Variants in DLGAP1 observed in about 807,000 individuals in gnomAD.
DLGAP1 encodes the protein disks large-associated protein 1.
DLGAP1 carries 11 observed loss-of-function variants against 90.8 expected under a neutral mutation model. That is an observed-to-expected ratio of 0.12 (90% CI 0.08 to 0.20). The LOEUF (loss-of-function observed/expected upper bound fraction) is 0.20, where lower values mean the gene tolerates loss of function less well. Ranked by LOEUF, DLGAP1 falls within the 10% of genes least tolerant of loss-of-function variation. DLGAP1 has a pLI of 1.00. For missense variants in DLGAP1, 1,050 were observed against 1,333.8 expected (o/e 0.79, Z 3.31); for synonymous variants, 558 against 540.7 (o/e 1.03, Z -0.44).
rs758416521 is a variant in DLGAP1 at position 4,190,377 on chromosome 18, T to C, written c.-266-39090A>G. Among the ~76,000 whole-genome samples the C allele has an allele frequency of 2.9e-4, 44 of 152,178 alleles. 1 individual carries two copies. Among genetic ancestry groups the C allele is most frequent in the African/African-American group, 1.1e-3 (44 of 41,560 alleles). ...GGTTCAGAAGGTTCAGGGGAAAGGA[T>C]AAATGGTTGAAGTACAAGAAAACTT... On this transcript the variant is annotated intron_variant, in intron 1 of 12. Coordinates refer to ENST00000315677, the MANE Select transcript of DLGAP1 (RefSeq NM_004746.4).
chr18:4,228,490 A>G (rs1252096493), intron 1 of DLGAP1, among the ~76,000 whole-genome samples: 1 of 152,084 alleles, frequency 6.6e-6, no homozygotes, highest in South Asian at 2.1e-4. Flanking sequence ...AACATCATCC[A>G]TCACGGCCAA....
In DLGAP1 at chr18:3,879,977, G is replaced by T; in HGVS notation, c.92C>A (p.Pro31His). 1 of 1,612,516 alleles carries T rather than the reference G, an allele frequency of 6.2e-7. No individual in the cohort carries two copies. ...DSLSHHSDRK[P>H]YLLSPVEHHP... ...GTGCTCCACTGGGCTCAGCAGGTAG[G>T]GCTTGCGGTCGGAGTGGTGCGACAG... Residue 31 changes from proline (P) to histidine (H), a missense_variant, in exon 4 of 13, where the codon CCC becomes CAC. Pro to His is a moderately conservative substitution (Grantham distance 77). This residue lies in a region of DLGAP1 where 485 missense variants were observed against 454.1 expected (regional missense o/e 1.07). Coordinates refer to ENST00000315677, the MANE Select transcript of DLGAP1 (RefSeq NM_004746.4). This position sits in a 1 kb window ranked among gnomAD's most constrained non-coding sequence, Gnocchi z 6.6.
intron 4 of DLGAP1, among the ~76,000 whole-genome samples, chr18:3,860,795 G>C (rs929195416): frequency 6.6e-6 from 1 of 152,164 alleles, no homozygotes; most frequent in Non-Finnish European, 1.5e-5. Context: ...GGGGGATATA[G>C]GGCTGAACTA....
At chr18:3,968,768 C>T (rs1009720218) in intron 3 of DLGAP1, among the ~76,000 whole-genome samples, 1 of 152,076 alleles carries the variant, frequency 6.6e-6, no homozygotes, top group Admixed American at 6.5e-5. Flanking sequence ...CCCAATCAAA[C>T]TTTTATTGGA....
At chr18:3,571,164 A>T (rs1599302060) in intron 8 of DLGAP1, 1 of 151,970 alleles carries the variant, frequency 6.6e-6, no homozygotes, top group Non-Finnish European at 1.5e-5. Flanking sequence ...GTGTAGGAAT[A>T]GTAAATAATT....
At chr18:4,134,402 T>C (rs929317289) in intron 2 of DLGAP1, among the ~76,000 whole-genome samples, 30 of 152,264 alleles carry the variant, frequency 2.0e-4, no homozygotes, top group Non-Finnish European at 4.1e-4. Context: ...CCAGTTTACC[T>C]GCACCTTCCC....
At chr18:4,424,796 G>A (rs181254459) in intron 1 of DLGAP1, among the ~76,000 whole-genome samples, 1 of 152,108 alleles carries the variant, frequency 6.6e-6, no homozygotes, top group Non-Finnish European at 1.5e-5. Context: ...AGGAAATTGC[G>A]AATACAAGAG....
chr18:3,705,981 C>CTTT (rs1598408936), intron 7 of DLGAP1, among the ~76,000 whole-genome samples: 8 of 95,184 alleles, frequency 8.4e-5, no homozygotes, highest in African/African-American at 1.1e-4. Context: ...ATTAATGGTG[C>CTTT]ATTTTTTTTT....
At chr18:4,163,912 C>T (rs2076889734) in intron 1 of DLGAP1, among the ~76,000 whole-genome samples, 1 of 152,096 alleles carries the variant, frequency 6.6e-6, no homozygotes, top group African/African-American at 2.4e-5. Flanking sequence ...GTGGTCCAGC[C>T]CAAGAAGTCT....
chr18:4,437,554 A>G (rs531223638), intron 1 of DLGAP1, among the ~76,000 whole-genome samples: 2 of 149,954 alleles, frequency 1.3e-5, no homozygotes, highest in African/African-American at 4.9e-5. Flanking sequence ...TTAGGGAATG[A>G]TGACAAGAAA....
chr18:3,781,512 C>T (rs886516575), intron 5 of DLGAP1, among the ~76,000 whole-genome samples: 16 of 151,948 alleles, frequency 1.1e-4, no homozygotes, highest in South Asian at 2.1e-4. Context: ...GCCACCATGC[C>T]GGCTAATTTT....
At chr18:4,250,764 T>C (rs1339634942) in intron 1 of DLGAP1, among the ~76,000 whole-genome samples, 1 of 152,144 alleles carries the variant, frequency 6.6e-6, no homozygotes, top group Non-Finnish European at 1.5e-5. Context: ...TGTGTGGAAG[T>C]GAACTTATAA....
chr18:3,701,464 G>A (rs558255853), intron 7 of DLGAP1, among the ~76,000 whole-genome samples: 1 of 152,304 alleles, frequency 6.6e-6, no homozygotes, highest in South Asian at 2.1e-4. Context: ...GAATGACAGT[G>A]CTGCAACATC....
rs529488738 is a variant in DLGAP1, at chr18:4,017,635, A to G, written c.-158-12434T>C. ...AGTGCCCCTGCTGAAACTGCTGTTT[A>G]TCTTGCAAGGGCCCTCCAGGGTGGA... On this transcript the variant is annotated intron_variant, in intron 2 of 12. Coordinates refer to ENST00000315677, the MANE Select transcript of DLGAP1 (RefSeq NM_004746.4). Among the ~76,000 whole-genome samples, 14 of 152,326 alleles carry G rather than the reference A, an allele frequency of 9.2e-5. No individual in the cohort carries two copies. The East Asian group carries it at 1.5e-3, about 17-fold the overall frequency.
At chr18:4,388,114 A>G (rs2082272680) in intron 1 of DLGAP1, among the ~76,000 whole-genome samples, 1 of 152,068 alleles carries the variant, frequency 6.6e-6, no homozygotes, top group Non-Finnish European at 1.5e-5. Context: ...ATAAACAGTG[A>G]GCTAAAGTCA....
rs572544637 is a variant in DLGAP1, at chr18:3,791,924, T to C, written c.1172+22135A>G. On this transcript the variant is annotated intron_variant, in intron 5 of 12. Coordinates refer to ENST00000315677, the MANE Select transcript of DLGAP1 (RefSeq NM_004746.4). ...GAGATTCTGCATTTAAAAAATAAAA[T>C]TAAAAAAAGGCAAATGGGCAATTCA... is the stretch of plus-strand genomic sequence containing the variant. Among the ~76,000 whole-genome samples, 10 of 152,166 alleles carry C rather than the reference T, an allele frequency of 6.6e-5. No individual in the cohort carries two copies. In the East Asian group the frequency reaches 1.5e-3, roughly 24 times the overall value.
At position 3,565,490 on chromosome 18, in the gene DLGAP1, CA is replaced by C. The variant is rs2054373003; in HGVS notation, c.2057+1999del. ...TTAATGTCTACTAAATGTATACTTTCAAAAATTTTTCTAAAACACTTAATAA... is the reference window on the plus strand; with the variant it reads ...TTAATGTCTACTAAATGTATACTTTCAAAATTTTTCTAAAACACTTAATAA... On this transcript the variant is annotated intron_variant, in intron 9 of 12. Coordinates refer to ENST00000315677, the MANE Select transcript of DLGAP1 (RefSeq NM_004746.4). The surrounding 1 kb of genome is among the most constrained non-coding windows in gnomAD (Gnocchi z 4.0). 6.6e-6 allele frequency among the ~76,000 whole-genome samples: 1 copy of C among 151,084 alleles called. No homozygotes were observed. Among genetic ancestry groups the C allele is most frequent in the South Asian group, 2.2e-4 (1 of 4,628 alleles).
At chr18:3,569,135 G>C (rs1022739544) in intron 8 of DLGAP1, among the ~76,000 whole-genome samples, 6 of 151,640 alleles carry the variant, frequency 4.0e-5, no homozygotes, top group Admixed American at 1.3e-4. Flanking sequence ...CCGAGTAGCT[G>C]AAATTACAGA....
chr18:3,498,513 G>C lies in DLGAP1; in HGVS notation c.*672C>G, dbSNP rs2049768204. 6.6e-6 allele frequency: 1 copy of C among 152,178 alleles called. No homozygotes were observed. Among genetic ancestry groups the C allele is most frequent in the African/African-American group, 2.4e-5 (1 of 41,434 alleles). The allele number at this position is 152,178 out of a possible 1,614,324, so 9.4% of individuals were successfully genotyped here. Reference sequence around the variant, plus strand: ...TGATTGATGAAGTAACAGTGAGGCAGTTTGTGCAGCTGTGAGTGTGCAGGT... The same window carrying C: ...TGATTGATGAAGTAACAGTGAGGCACTTTGTGCAGCTGTGAGTGTGCAGGT... On this transcript the variant is annotated 3_prime_UTR_variant, in exon 13 of 13. Coordinates refer to ENST00000315677, the MANE Select transcript of DLGAP1 (RefSeq NM_004746.4).
Sources: allele counts gnomAD v4.1 joint callset (sites outside exome capture counted in the v4.1 genomes callset), GRCh38; gene constraint gnomAD v4.1.1; regional missense constraint gnomAD v4.1.1; non-coding constraint Gnocchi (gnomAD v3.1); transcripts MANE v1.5; gene names NCBI Gene and HGNC (gene_info 2026-07-23, HGNC 2026-07-21).